The following DLG2 variants were observed in gnomAD, a reference collection of about 807,000 sequenced individuals.
The protein encoded by DLG2 is discs large MAGUK scaffold protein 2.
Under a neutral mutation model 132.5 loss-of-function variants are expected in DLG2, and 45 were observed. That is an observed-to-expected ratio of 0.34 (90% CI 0.27 to 0.44). DLG2 has a LOEUF of 0.44. Ranked by LOEUF, DLG2 falls within the 20% of genes least tolerant of loss-of-function variation. The pLI is 1.00. For missense variants in DLG2, 1,045 were observed against 1,196.9 expected (o/e 0.87, Z 1.87); for synonymous variants, 424 against 419.6 (o/e 1.01, Z -0.13).
intron 6 of DLG2, among the ~76,000 whole-genome samples, chr11:84,647,023 T>A (rs1247764197): frequency 6.6e-6 from 1 of 152,036 alleles, no homozygotes; most frequent in Non-Finnish European, 1.5e-5. Context: ...GAAACAAACA[T>A]AATACAAATT....
At chr11:85,305,463 G>C (rs1004667269) in intron 3 of DLG2, among the ~76,000 whole-genome samples, 2 of 152,132 alleles carry the variant, frequency 1.3e-5, no homozygotes, top group African/African-American at 4.8e-5. Flanking sequence ...TAGTTGTAAA[G>C]TGGTTATCCA....
intron 7 of DLG2, among the ~76,000 whole-genome samples, chr11:84,323,378 T>C (rs199785171): frequency 3.3e-5 from 5 of 152,232 alleles, no homozygotes; most frequent in African/African-American, 1.2e-4. Flanking sequence ...GATTTCCTTC[T>C]TTTTTATGGT....
At chr11:84,477,810 T>A (rs2099125825) in intron 7 of DLG2, among the ~76,000 whole-genome samples, 1 of 152,168 alleles carries the variant, frequency 6.6e-6, no homozygotes, top group African/African-American at 2.4e-5. Context: ...TGAGAGTATG[T>A]GCTGAAGTTA....
chr11:85,428,286 A>C (rs532693825), intron 3 of DLG2, among the ~76,000 whole-genome samples: 28 of 152,358 alleles, frequency 1.8e-4, no homozygotes, highest in Non-Finnish European at 3.7e-4. Context: ...CCTAATAGAC[A>C]TCAACAGAAC....
At chr11:85,464,479 T>G (rs2092717261) in intron 3 of DLG2, among the ~76,000 whole-genome samples, 1 of 152,096 alleles carries the variant, frequency 6.6e-6, no homozygotes, top group African/African-American at 2.4e-5. Context: ...GTGAGCTTAG[T>G]CCACCTCTGG....
At chr11:85,544,624 G>C (rs545803553) in intron 3 of DLG2, among the ~76,000 whole-genome samples, 24 of 152,310 alleles carry the variant, frequency 1.6e-4, no homozygotes, top group Non-Finnish European at 3.5e-4. Context: ...CAATCCATGA[G>C]CATGGAATGT....
chr11:85,573,779 ATC>A (rs2077985602), intron 3 of DLG2, among the ~76,000 whole-genome samples: 1 of 152,198 alleles, frequency 6.6e-6, no homozygotes, highest in African/African-American at 2.4e-5. Flanking sequence ...TCTAGCCCTA[ATC>A]TCTGTCACAT....
chr11:83,795,079 C>T (rs2042451820), intron 17 of DLG2, among the ~76,000 whole-genome samples: 1 of 152,132 alleles, frequency 6.6e-6, no homozygotes, highest in African/African-American at 2.4e-5. Context: ...ATTGCTACCT[C>T]TTTATGTATA....
intron 15 of DLG2, among the ~76,000 whole-genome samples, chr11:83,893,076 T>A (rs1464265681): frequency 6.6e-6 from 1 of 152,204 alleles, no homozygotes; most frequent in South Asian, 2.1e-4. Context: ...TCATACTCCA[T>A]ACCCAATCCA....
intron 6 of DLG2, among the ~76,000 whole-genome samples, chr11:84,886,213 A>G (rs1163814314): frequency 6.6e-6 from 1 of 152,124 alleles, no homozygotes; most frequent in Non-Finnish European, 1.5e-5. Flanking sequence ...CTTTATCATC[A>G]ATCTCTGTCA....
chr11:85,520,750 CA>C (rs2074245914), intron 3 of DLG2, among the ~76,000 whole-genome samples: 1 of 151,930 alleles, frequency 6.6e-6, no homozygotes, highest in Non-Finnish European at 1.5e-5. Flanking sequence ...ATGCCAAGAA[CA>C]TACACTGAAG....
At chr11:84,260,553 G>A (rs1252762776) in intron 7 of DLG2, among the ~76,000 whole-genome samples, 4 of 152,184 alleles carry the variant, frequency 2.6e-5, no homozygotes, top group South Asian at 2.1e-4. Context: ...AATTTCCATA[G>A]TGAGAGGAAA....
At chr11:85,173,867 G>A (rs965705644) in intron 4 of DLG2, among the ~76,000 whole-genome samples, 2 of 152,090 alleles carry the variant, frequency 1.3e-5, no homozygotes, top group African/African-American at 4.8e-5. Context: ...GATCAAAAAA[G>A]ATAAAGAAGG....
intron 5 of DLG2, among the ~76,000 whole-genome samples, chr11:85,120,083 A>C (rs895740289): frequency 2.6e-5 from 4 of 152,102 alleles, no homozygotes; most frequent in African/African-American, 9.6e-5. Context: ...AATGCCACCA[A>C]GTTAATTGTA....
chr11:84,683,637 C>T (rs1350552696), intron 6 of DLG2, among the ~76,000 whole-genome samples: 2 of 152,146 alleles, frequency 1.3e-5, no homozygotes, highest in African/African-American at 4.8e-5. Context: ...TTGAGACTCG[C>T]AGATGAGCAC....
rs186295086 is a variant in DLG2, at chr11:84,430,880, C to G, written c.519+103690G>C. On this transcript the variant is annotated intron_variant, in intron 7 of 27. Transcript: ENST00000376104. The stretch of plus-strand genomic sequence containing the variant: ...CTCTGTCACCACAGCTAGGCAGACA[C>G]TGGCGCTGAGTCATGCTGCTGCTCA... Among the ~76,000 whole-genome samples the G allele has an allele frequency of 4.7e-4, 72 of 152,316 alleles. 2 individuals are homozygous for G. In the East Asian group the frequency reaches 9.7e-3, roughly 20 times the overall value.
chr11:83,463,072 A>C (rs2090335615), intron 26 of DLG2, among the ~76,000 whole-genome samples: 1 of 152,184 alleles, frequency 6.6e-6, no homozygotes, highest in Non-Finnish European at 1.5e-5. Context: ...TGGGTCTGGA[A>C]CATCTGGCCT....
intron 9 of DLG2, among the ~76,000 whole-genome samples, chr11:84,129,615 CT>C (rs1048092989): frequency 5.3e-5 from 8 of 151,922 alleles, no homozygotes; most frequent in Non-Finnish European, 1.0e-4. Flanking sequence ...TATATAGTTG[CT>C]TTTTTTGAGA....
chr11:84,692,580 G>A (rs2058169902), intron 6 of DLG2, among the ~76,000 whole-genome samples: 1 of 151,628 alleles, frequency 6.6e-6, no homozygotes, highest in Non-Finnish European at 1.5e-5. Flanking sequence ...TTATGGCCCA[G>A]GTCAATTGCA....
Sources: gnomAD v4.1 joint callset for allele counts (sites outside exome capture counted in the v4.1 genomes callset) on GRCh38, gnomAD v4.1.1 for gene constraint, MANE v1.5 for transcripts, NCBI Gene and HGNC (gene_info 2026-07-23, HGNC 2026-07-21) for gene names.